The following CHST6 variants were observed in gnomAD, a reference collection of about 807,000 sequenced individuals.
CHST6 encodes carbohydrate sulfotransferase 6.
For synonymous variants in CHST6, 309 were observed against 276.4 expected (o/e 1.12, Z -1.17); for missense variants, 698 against 586.2 (o/e 1.19, Z -1.97).
At position 75,479,432 on chromosome 16, in the gene CHST6, G is replaced by T; in HGVS notation, c.397C>A (p.Pro133Thr). Residue 133 changes from proline to threonine, a missense_variant, in exon 3 of 3, where the codon CCC (proline) becomes ACC (threonine). Pro to Thr is a conservative substitution (Grantham distance 38). Transcript: ENST00000332272. ...WAVSRALCSP[P>T]ACSAFPRGAI... ...CCTCGGGGAAAGGCACTGCAGGCGG[G>T]TGGCGAGCACAGTGCACGGCTCACG... 2.5e-6 allele frequency: 4 copies of T among 1,612,928 alleles called. No individual in the cohort carries two copies. Among genetic ancestry groups the T allele is most frequent in the Non-Finnish European group, 3.4e-6 (4 of 1,179,846 alleles).
At chr16:75,482,059 G>C (rs1408407163) in intron 1 of CHST6, among the ~76,000 whole-genome samples, 168 bp from the exon 2 acceptor site, 1 of 152,172 alleles carries the variant, frequency 6.6e-6, no homozygotes, top group African/African-American at 2.4e-5. Flanking sequence ...GAGGGGGCCT[G>C]GGAAAGCATT....
At chr16:75,491,111 GC>G (rs2080247358) in intron 1 of CHST6, among the ~76,000 whole-genome samples, 1 of 133,340 alleles carries the variant, frequency 7.5e-6, no homozygotes. Flanking sequence ...TTTGCAGTGA[GC>G]TGAAATCAAG....
intron 1 of CHST6, among the ~76,000 whole-genome samples, chr16:75,487,807 A>T (rs1415587943): frequency 2.2e-5 from 2 of 89,946 alleles, no homozygotes; most frequent in Admixed American, 1.1e-4. Flanking sequence ...CGTCCCCCCT[A>T]AAAAAAAAAA....
chr16:75,484,850 AAAAC>A (rs1028497108), intron 1 of CHST6, among the ~76,000 whole-genome samples: 59 of 152,272 alleles, frequency 3.9e-4, no homozygotes, highest in African/African-American at 1.2e-3. Context: ...TCTCAAAAAC[AAAAC>A]AAACAAACAA....
chr16:75,479,187 T>C lies in CHST6; in HGVS notation c.642A>G (p.Thr214=), dbSNP rs1328371492. The stretch of plus-strand genomic sequence containing the variant: ...CGTTGTCACGCGCCAGAGCCTTGGC[T>C]GTCTGCTCCCGGGAGCGCAGCACGG... ...PRAVLRSREQ[T]AKALARDNGI... is the part of the protein sequence containing the mutation. The change falls in exon 3 of 3, where the codon ACA becomes ACG. Residue 214 remains threonine, a synonymous_variant. Coordinates refer to ENST00000332272, the MANE Select transcript of CHST6 (RefSeq NM_021615.5). 5 of 1,608,570 alleles carry C rather than the reference T, an allele frequency of 3.1e-6. No homozygotes were observed. The highest frequency in any genetic ancestry group is 4.2e-6 in the Non-Finnish European group (5 of 1,179,054).
At chr16:75,492,371 C>T (rs942979640) in intron 1 of CHST6, among the ~76,000 whole-genome samples, 1 of 152,206 alleles carries the variant, frequency 6.6e-6, no homozygotes, top group Non-Finnish European at 1.5e-5. Context: ...ACACAGGGTA[C>T]GGAGTGGGAC....
rs1298323722 is a variant in CHST6 at position 75,475,461 on chromosome 16, C to G, written c.*3180G>C. 1 of 152,408 alleles carries G rather than the reference C, an allele frequency of 6.6e-6. No homozygotes were observed. Among genetic ancestry groups the G allele is most frequent in the Admixed American group, 6.5e-5 (1 of 15,284 alleles). The allele number at this position is 152,408 out of a possible 1,614,324, so 9.4% of individuals were successfully genotyped here. On this transcript the variant is annotated 3_prime_UTR_variant, in exon 3 of 3. Coordinates refer to ENST00000332272, the MANE Select transcript of CHST6 (RefSeq NM_021615.5). Reference sequence around the variant, plus strand: ...ACTAACAGTGGTCAATGCAGTCACCCCCACAGCAACCCAGAGCTCTGTGCC... The same window carrying G: ...ACTAACAGTGGTCAATGCAGTCACCGCCACAGCAACCCAGAGCTCTGTGCC...
rs1296752620 is a variant in CHST6 at position 75,478,809 on chromosome 16, G to C, written c.1020C>G (p.Ala340=). 1.2e-6 allele frequency: 2 copies of C among 1,613,472 alleles called. No individual in the cohort carries two copies. The highest frequency in any genetic ancestry group is 1.3e-5 in the African/African-American group (1 of 75,060). The change falls in exon 3 of 3, where the codon GCC becomes GCG. Residue 340 remains alanine (A), a synonymous_variant. Transcript: ENST00000332272. Reference sequence around the variant, plus strand: ...ACAGTTCCTGCACGCGGCGGATCTTGGCAAAGGGCAGCGCATGGCGCCAGG... The same window carrying C: ...ACAGTTCCTGCACGCGGCGGATCTTCGCAAAGGGCAGCGCATGGCGCCAGG... The part of the protein sequence containing the change: ...SQAWRHALPF[A]KIRRVQELCA...
chr16:75,474,908 G>C lies in CHST6; in HGVS notation c.*3733C>G. On this transcript the variant is annotated 3_prime_UTR_variant, in exon 3 of 3. Coordinates refer to ENST00000332272, the MANE Select transcript of CHST6 (RefSeq NM_021615.5). ...CCTCCTGGGTTCAAGCGATTCTCCTGTCTCAGCCTCCCAAGTAGCTGGCCT... is the reference window on the plus strand; with the variant it reads ...CCTCCTGGGTTCAAGCGATTCTCCTCTCTCAGCCTCCCAAGTAGCTGGCCT... The C allele has an allele frequency of 2.7e-6, 1 of 370,084 alleles. No individual in the cohort carries two copies. Among genetic ancestry groups the C allele is most frequent in the Non-Finnish European group, 4.8e-6 (1 of 208,342 alleles). 22.9% of individuals were successfully genotyped at this position (370,084 alleles called of 1,614,324 possible).
At chr16:75,488,902 C>G (rs1449119976) in intron 1 of CHST6, among the ~76,000 whole-genome samples, 1 of 151,420 alleles carries the variant, frequency 6.6e-6, no homozygotes, top group Non-Finnish European at 1.5e-5. Context: ...AAAAACAAAA[C>G]CAAAAACAAA....
chr16:75,494,770 A>G (rs1170542006), intron 1 of CHST6, among the ~76,000 whole-genome samples, 170 bp downstream of exon 1: 1 of 152,228 alleles, frequency 6.6e-6, no homozygotes, highest in Admixed American at 6.5e-5. Context: ...CGGCGCCAAC[A>G]GCGGCGATGC....
Position 75,473,557 on chromosome 16 carries a change from A to C in CHST6, c.*5084T>G, listed in dbSNP as rs1230350714. On this transcript the variant is annotated 3_prime_UTR_variant, in exon 3 of 3. Coordinates refer to ENST00000332272, the MANE Select transcript of CHST6 (RefSeq NM_021615.5). ...TCAGCTGAAGGCAATTAAGAAGCAG[A>C]AAGTGCAGGAAAAGTTCAGGTTTCC... The C allele has an allele frequency of 6.6e-6, 1 of 152,212 alleles. No individual in the cohort carries two copies. Among genetic ancestry groups the C allele is most frequent in the African/African-American group, 2.4e-5 (1 of 41,468 alleles). The allele number at this position is 152,212 out of a possible 1,614,324, so 9.4% of individuals were successfully genotyped here.
At chr16:75,480,938 A>AG (rs1183191364) in intron 2 of CHST6, among the ~76,000 whole-genome samples, 2 of 121,490 alleles carry the variant, frequency 1.6e-5, no homozygotes, top group African/African-American at 5.5e-5. Context: ...AAAAAAAAAA[A>AG]AAAAAAAAGA....
In CHST6 at chr16:75,495,361, G is replaced by C. The variant is rs370641829; in HGVS notation, c.-513C>G. 44 of 152,428 alleles carry C rather than the reference G, an allele frequency of 2.9e-4. 1 individual carries two copies. The highest frequency in any genetic ancestry group is 2.5e-3 in the Admixed American group (38 of 15,290). The allele number at this position is 152,428 out of a possible 1,614,324, so 9.4% of individuals were successfully genotyped here. Reference sequence around the variant, plus strand: ...GCCCTCTACTCCCCGCGCGCCGGCCGGCAACCCTCGGCGCTGCCCGGTGCA... The same window carrying C: ...GCCCTCTACTCCCCGCGCGCCGGCCCGCAACCCTCGGCGCTGCCCGGTGCA... On this transcript the variant is annotated 5_prime_UTR_variant, in exon 1 of 3. Transcript: ENST00000332272.
chr16:75,485,169 G>A (rs796480210), intron 1 of CHST6, among the ~76,000 whole-genome samples: 2 of 152,200 alleles, frequency 1.3e-5, no homozygotes, highest in African/African-American at 4.8e-5. Flanking sequence ...GGAATAGAAA[G>A]TTCTGTTTCT....
intron 1 of CHST6, among the ~76,000 whole-genome samples, chr16:75,491,165 TAAAAAAAAAAAA>T (rs1168619782): frequency 0.03 from 790 of 26,318 alleles, 11 homozygotes; most frequent in Middle Eastern, 0.14. Context: ...AACTCCGTCT[TAAAAAAAAAAAA>T]AAAAAAAAAA....
rs1044185449 is a variant in CHST6, at chr16:75,479,256, G to C, written c.573C>G (p.Pro191=). ...GGTGCACGATGCGTAGGTTGAGCGCGGGGTCGCTGAGCAGCGGGTAGAGCA... is the reference window on the plus strand; with the variant it reads ...GGTGCACGATGCGTAGGTTGAGCGCCGGGTCGCTGAGCAGCGGGTAGAGCA... ...LQVLYPLLSD[P]ALNLRIVHLV... Residue 191 remains proline, a synonymous_variant, in exon 3 of 3, where the codon CCC becomes CCG. Coordinates refer to ENST00000332272, the MANE Select transcript of CHST6 (RefSeq NM_021615.5). 19 of 1,612,342 alleles carry C rather than the reference G, an allele frequency of 1.2e-5. No individual in the cohort carries two copies. Among genetic ancestry groups the C allele is most frequent in the Non-Finnish European group, 1.4e-5 (17 of 1,179,766 alleles).
intron 1 of CHST6, among the ~76,000 whole-genome samples, chr16:75,483,083 C>T (rs2080160107): frequency 6.6e-6 from 1 of 152,236 alleles, no homozygotes; most frequent in South Asian, 2.1e-4. Flanking sequence ...GATGACTTAA[C>T]TCAACGGGCC....
chr16:75,483,296 C>G (rs2080162520), intron 1 of CHST6, among the ~76,000 whole-genome samples: 1 of 152,230 alleles, frequency 6.6e-6, no homozygotes, highest in African/African-American at 2.4e-5. Context: ...TCCTGGCCAG[C>G]TCAGCCCTTC....
Sources: gnomAD v4.1 joint callset for allele counts (sites outside exome capture counted in the v4.1 genomes callset) on GRCh38, gnomAD v4.1.1 for gene constraint, MANE v1.5 for transcripts, NCBI Gene and HGNC (gene_info 2026-07-23, HGNC 2026-07-21) for gene names.